SUSD5: variants seen among roughly 807,000 people sequenced by gnomAD.
SUSD5 encodes the protein sushi domain containing 5.
In SUSD5, 33 loss-of-function variants were observed where a neutral mutation model predicts 29.5. The ratio of observed to expected loss-of-function variants is 1.12; its 90% CI spans 0.85 to 1.49. The LOEUF (loss-of-function observed/expected upper bound fraction) is 1.49. Ranked by LOEUF, SUSD5 falls within the 40% of genes most tolerant of loss-of-function variation. The probability of loss-of-function intolerance (pLI) is 0.00; values close to 1 mark genes in which losing one functional copy is unlikely to be tolerated. For synonymous variants in SUSD5, 308 were observed against 325.3 expected (o/e 0.95, Z 0.57); for missense variants, 776 against 800.6 (o/e 0.97, Z 0.37).
In SUSD5 at chr3:33,192,248, TC is replaced by T. The variant is rs1352246205; in HGVS notation, c.409+15559del. ...GCCACCACATCCAGCTAATTTTTTTTCTTTTTTTTTTTTTTGTATTTTTAGT... is the reference window on the plus strand; with the variant it reads ...GCCACCACATCCAGCTAATTTTTTTTTTTTTTTTTTTTTTGTATTTTTAGT... On this transcript the variant is annotated intron_variant, in intron 3 of 4. Transcript: ENST00000309558. 1.8e-3 allele frequency among the ~76,000 whole-genome samples: 201 copies of T among 114,616 alleles called. 2 individuals carry two copies. Among genetic ancestry groups the T allele is most frequent in the African/African-American group, 4.9e-3 (147 of 29,980 alleles). 75.2% of individuals were successfully genotyped at this position (114,616 alleles called of 152,430 possible). A position where few individuals can be genotyped will look rare whatever the true frequency, so the allele number is the denominator to read the frequency against.
chr3:33,204,942 ATTCTC>A lies in SUSD5; in HGVS notation c.409+2861_409+2865del, dbSNP rs2032188421. Among the ~76,000 whole-genome samples the A allele has an allele frequency of 6.6e-6, 1 of 151,848 alleles. No homozygotes were observed. The highest frequency in any genetic ancestry group is 1.5e-5 in the Non-Finnish European group (1 of 67,948). ...TTCATTTTCCCCTTTTTGCTTTATC[ATTCTC>A]TTCTCTCTCTTCCTCTCTCCACACC... On this transcript the variant is annotated intron_variant, in intron 3 of 4. Transcript: ENST00000309558. The surrounding 1 kb of genome is among the most constrained non-coding windows in gnomAD (Gnocchi z 4.5).
chr3:33,197,268 A>G (rs2032013276), intron 3 of SUSD5, among the ~76,000 whole-genome samples: 1 of 152,140 alleles, frequency 6.6e-6, no homozygotes, highest in Non-Finnish European at 1.5e-5. Context: ...GTCACTTGAG[A>G]CAAAGCACCA....
chr3:33,171,270 C>T (rs2125619351), intron 4 of SUSD5, among the ~76,000 whole-genome samples: 1 of 152,168 alleles, frequency 6.6e-6, no homozygotes, highest in Non-Finnish European at 1.5e-5. Context: ...CTGCTTGAAC[C>T]CGGGAGGCAG....
At chr3:33,172,907 CAAAG>C (rs1054722381) in intron 4 of SUSD5, among the ~76,000 whole-genome samples, 2 of 152,130 alleles carry the variant, frequency 1.3e-5, no homozygotes, top group African/African-American at 4.8e-5. Flanking sequence ...TAAGAGTTCA[CAAAG>C]AATTTGAAAA....
intron 4 of SUSD5, among the ~76,000 whole-genome samples, chr3:33,161,186 T>TAC (rs1018128648): frequency 1.3e-5 from 2 of 151,906 alleles, no homozygotes; most frequent in Non-Finnish European, 2.9e-5. Flanking sequence ...CAACAACATA[T>TAC]ACACACACAC....
At position 33,153,721 on chromosome 3, in the gene SUSD5, G is replaced by C. The variant is rs150528777; in HGVS notation, c.911C>G (p.Pro304Arg). 1.9e-5 allele frequency: 31 copies of C among 1,614,002 alleles called. No individual in the cohort carries two copies. Among genetic ancestry groups the C allele is most frequent in the Non-Finnish European group, 2.6e-5 (31 of 1,179,884 alleles). ...ATCATCCACCTCCTTTTCCAACCCA[G>C]GCTTGTGGAAAGCCTCAGCAGGAAA... ...FWFPAEAFHK[P>R]GLEKEVDDDT... Residue 304 changes from proline (P) to arginine (R), a missense_variant, in exon 5 of 5, where the codon CCT becomes CGT. Physicochemically the swap from Pro to Arg is moderately radical, Grantham distance 103. Transcript: ENST00000309558.
chr3:33,209,040 G>A (rs1481100727), intron 2 of SUSD5, among the ~76,000 whole-genome samples: 1 of 152,120 alleles, frequency 6.6e-6, no homozygotes, highest in Non-Finnish European at 1.5e-5. Context: ...GTCTGAAAAC[G>A]TCTTTATTTC....
chr3:33,158,794 T>A (rs2031111940), intron 4 of SUSD5, among the ~76,000 whole-genome samples: 1 of 152,092 alleles, frequency 6.6e-6, no homozygotes, highest in African/African-American at 2.4e-5. Context: ...GCAGTAACTC[T>A]CCAAGATCAT....
chr3:33,199,822 C>T lies in SUSD5; in HGVS notation c.409+7986G>A, dbSNP rs554352964. Among the ~76,000 whole-genome samples the T allele has an allele frequency of 3.3e-5, 5 of 152,236 alleles. No individual in the cohort carries two copies. In the East Asian group the frequency reaches 9.7e-4, roughly 29 times the overall value. On this transcript the variant is annotated intron_variant, in intron 3 of 4. Transcript: ENST00000309558. Reference sequence around the variant, plus strand: ...TCCTCCAAACTTCATGTTGAAATTTCATTGCCATTGTAACAGTATTAAGAG... The same window carrying T: ...TCCTCCAAACTTCATGTTGAAATTTTATTGCCATTGTAACAGTATTAAGAG...
Position 33,153,743 on chromosome 3 carries a change from G to A in SUSD5, c.889C>T (p.Pro297Ser), listed in dbSNP as rs2030976734. ...CCAGGCTTGTGGAAAGCCTCAGCAG[G>A]AAACCAGAACAAGTGCTTCTGGAGC... Reference protein sequence around the residue: ...RLLQKHLFWFPAEAFHKPGLE... With the variant: ...RLLQKHLFWFSAEAFHKPGLE... The change falls in exon 5 of 5, where the codon CCT (proline) becomes TCT (serine). Residue 297 changes from proline (P) to serine (S), a missense_variant. Coordinates refer to ENST00000309558, the MANE Select transcript of SUSD5 (RefSeq NM_015551.2). The A allele has an allele frequency of 1.2e-6, 2 of 1,614,034 alleles. No homozygotes were observed. The highest frequency in any genetic ancestry group is 8.5e-7 in the Non-Finnish European group (1 of 1,179,900).
At chr3:33,177,049 C>A (rs1293771913) in intron 3 of SUSD5, among the ~76,000 whole-genome samples, 2 of 152,264 alleles carry the variant, frequency 1.3e-5, no homozygotes, top group East Asian at 3.9e-4. Flanking sequence ...TGTTTTTCTC[C>A]TTCAATATTT....
Position 33,152,886 on chromosome 3 carries a change from G to A in SUSD5, c.1746C>T (p.Val582=), listed in dbSNP as rs1364318007. ...RGPVIATIVT[V]LCLLLLLAGV... ...CTGCCAGGAGCAGCAGTAGGCACAGGACGGTGACAATGGTGGCGATCACAG... is the reference window on the plus strand; with the variant it reads ...CTGCCAGGAGCAGCAGTAGGCACAGAACGGTGACAATGGTGGCGATCACAG... The change falls in exon 5 of 5, where the codon GTC becomes GTT. Residue 582 remains valine, a synonymous_variant. Coordinates refer to ENST00000309558, the MANE Select transcript of SUSD5 (RefSeq NM_015551.2). 9.9e-6 allele frequency: 16 copies of A among 1,614,004 alleles called. No individual in the cohort carries two copies. The highest frequency in any genetic ancestry group is 1.3e-5 in the Non-Finnish European group (15 of 1,179,896).
chr3:33,218,746 CG>C lies in SUSD5; in HGVS notation c.51del (p.Leu19SerfsTer73), dbSNP rs1168336962. ...AGGAGCAGCGCCGCCGCCCAGAGCC[CG>C]GGGAGGCGTCTGTGCCAACGGGCAG... is the stretch of plus-strand genomic sequence containing the variant. ...SPPARWHRRL[P>X]GLWAAALLLL... On this transcript the variant is annotated frameshift_variant, in exon 1 of 5. Coordinates refer to ENST00000309558, the MANE Select transcript of SUSD5 (RefSeq NM_015551.2). LOFTEE classifies it high-confidence loss of function. 1.4e-6 allele frequency: 2 copies of C among 1,388,516 alleles called. No homozygotes were observed. Among genetic ancestry groups the C allele is most frequent in the South Asian group, 1.6e-5 (1 of 61,166 alleles). The allele number at this position is 1,388,516 out of a possible 1,614,324, so 86.0% of individuals were successfully genotyped here. A position where few individuals can be genotyped will look rare whatever the true frequency, so the allele number is the denominator to read the frequency against.
At chr3:33,190,787 C>T (rs577999209) in intron 3 of SUSD5, among the ~76,000 whole-genome samples, 1 of 152,276 alleles carries the variant, frequency 6.6e-6, no homozygotes, top group African/African-American at 2.4e-5. Flanking sequence ...TGTCATGAAT[C>T]CCCTCCCCAG....
chr3:33,217,690 CT>C (rs796649693), intron 1 of SUSD5, among the ~76,000 whole-genome samples: 1,976 of 144,720 alleles, frequency 0.014, 21 homozygotes, highest in African/African-American at 0.034. Flanking sequence ...GACAACCATG[CT>C]TTTTTTTTTT....
chr3:33,192,079 A>T (rs950945477), intron 3 of SUSD5, among the ~76,000 whole-genome samples: 61 of 145,930 alleles, frequency 4.2e-4, no homozygotes, highest in South Asian at 8.8e-4. Context: ...TAATGCGCAT[A>T]TTTTTTTTTT....
chr3:33,208,780 T>C (rs1164267448), intron 2 of SUSD5, among the ~76,000 whole-genome samples: 1 of 152,210 alleles, frequency 6.6e-6, no homozygotes, highest in Non-Finnish European at 1.5e-5. Flanking sequence ...ATAATACAAC[T>C]TGAAATACTT....
Position 33,218,694 on chromosome 3 carries a change from C to G in SUSD5, c.104G>C (p.Arg35Pro), listed in dbSNP as rs923586047. 3 of 1,310,744 alleles carry G rather than the reference C, an allele frequency of 2.3e-6. No homozygotes were observed. Among genetic ancestry groups the G allele is most frequent in the Non-Finnish European group, 2.9e-6 (3 of 1,030,208 alleles). The allele number at this position is 1,310,744 out of a possible 1,614,324, so 81.2% of individuals were successfully genotyped here. The change falls in exon 1 of 5, where the codon CGG (arginine) becomes CCG (proline). Residue 35 changes from arginine (R) to proline (P), a missense_variant. By Grantham distance (103) the Arg-to-Pro change is moderately radical. Transcript: ENST00000309558. ...LLLGLPRLSV[R>P]ADGKFFVLES... Reference sequence around the variant, plus strand: ...GCCTCCCGCACACTCACCATCCGCCCGCACCGAAAGGCGCGGCAGACCGAG... The same window carrying G: ...GCCTCCCGCACACTCACCATCCGCCGGCACCGAAAGGCGCGGCAGACCGAG...
At chr3:33,170,278 T>C (rs2031397478) in intron 4 of SUSD5, among the ~76,000 whole-genome samples, 1 of 152,180 alleles carries the variant, frequency 6.6e-6, no homozygotes, top group South Asian at 2.1e-4. Flanking sequence ...CTGAGTACAT[T>C]AGAGAGGGCA....
Sources: allele counts gnomAD v4.1 joint callset (sites outside exome capture counted in the v4.1 genomes callset), GRCh38; gene constraint gnomAD v4.1.1; non-coding constraint Gnocchi (gnomAD v3.1); transcripts MANE v1.5; gene names NCBI Gene and HGNC (gene_info 2026-07-23, HGNC 2026-07-21).